Variants in DOCK5 observed in about 807,000 individuals in gnomAD.
The protein encoded by DOCK5 is dedicator of cytokinesis protein 5.
Under a neutral mutation model 251.8 loss-of-function variants are expected in DOCK5, and 142 were observed. The observed-to-expected ratio is 0.56, with a 90% CI of 0.49 to 0.65. The LOEUF is 0.65. Ranked by LOEUF, DOCK5 falls within the 30% of genes least tolerant of loss-of-function variation. The pLI is 0.00. For synonymous variants in DOCK5, 842 were observed against 835.5 expected, an observed-to-expected ratio of 1.01 and a Z score of -0.13; for missense variants, 2,111 against 2,312.3, an observed-to-expected ratio of 0.91 and a Z score of 1.79.
chr8:25,277,523 C>G (rs1804076072), intron 4 of DOCK5: 1 of 151,928 alleles, frequency 6.6e-6, no homozygotes, highest in South Asian at 2.1e-4. Flanking sequence ...AATGGCAGAA[C>G]CATCATTTCA....
chr8:25,207,382 G>A (rs1435009487), intron 1 of DOCK5, among the ~76,000 whole-genome samples: 1 of 152,044 alleles, frequency 6.6e-6, no homozygotes, highest in Non-Finnish European at 1.5e-5. Flanking sequence ...GCCTTCTATT[G>A]TAAGAAGATG....
At chr8:25,240,994 C>T (rs766683088) in intron 1 of DOCK5, among the ~76,000 whole-genome samples, 2 of 152,158 alleles carry the variant, frequency 1.3e-5, no homozygotes, top group Non-Finnish European at 2.9e-5. Flanking sequence ...CTGCATGTCG[C>T]CTTCTCTCAG....
At chr8:25,278,789 C>A in intron 5 of DOCK5, 124 bp downstream of exon 5, 2 of 853,316 alleles carry the variant, frequency 2.3e-6, no homozygotes, top group South Asian at 1.6e-5. Context: ...CCCTGGATCA[C>A]ACAAAGGCTG....
chr8:25,383,681 G>A (rs1455976596), intron 40 of DOCK5, among the ~76,000 whole-genome samples: 3 of 152,000 alleles, frequency 2.0e-5, no homozygotes, highest in Non-Finnish European at 4.4e-5. Context: ...ATGCTGAAAC[G>A]CTGTCCCTAC....
intron 2 of DOCK5, among the ~76,000 whole-genome samples, chr8:25,267,018 A>G (rs1462145519): frequency 3.3e-5 from 5 of 152,174 alleles, no homozygotes; most frequent in Non-Finnish European, 7.3e-5. Flanking sequence ...TTTGGAAAAG[A>G]TGAATATCTT....
intron 27 of DOCK5, among the ~76,000 whole-genome samples, chr8:25,358,276 G>A (rs376849727): frequency 6.6e-6 from 1 of 152,124 alleles, no homozygotes; most frequent in Non-Finnish European, 1.5e-5. Flanking sequence ...TCACATGGCG[G>A]CAGCAAGAAG....
chr8:25,316,116 CAAAAA>C (rs1563199398), intron 13 of DOCK5, among the ~76,000 whole-genome samples: 1 of 151,218 alleles, frequency 6.6e-6, no homozygotes, highest in African/African-American at 2.4e-5. Context: ...TGCTGGGTAA[CAAAAA>C]AGAAAAAGAG....
At position 25,343,890 on chromosome 8, in the gene DOCK5, C is replaced by T. The variant is rs144987645; in HGVS notation, c.2617+1383C>T. On this transcript the variant is annotated intron_variant, in intron 25 of 51. Transcript: ENST00000276440. Reference sequence around the variant, plus strand: ...GCATGAACTTGGCTCACTGCAACCTCCACCTCCCAGGTTCAAGCAATTCTC... The same window carrying T: ...GCATGAACTTGGCTCACTGCAACCTTCACCTCCCAGGTTCAAGCAATTCTC... Among the ~76,000 whole-genome samples the T allele has an allele frequency of 7.7e-3, 1,168 of 152,326 alleles. 18 individuals carry two copies. The highest frequency in any genetic ancestry group is 0.027 in the African/African-American group (1,116 of 41,578).
intron 27 of DOCK5, among the ~76,000 whole-genome samples, chr8:25,354,149 C>T (rs1167773236): frequency 1.3e-5 from 2 of 150,366 alleles, no homozygotes; most frequent in Admixed American, 6.6e-5. Context: ...CTTCACTAAT[C>T]CCTTTATAAT....
intron 17 of DOCK5, among the ~76,000 whole-genome samples, chr8:25,324,788 T>TC (rs1563202355): frequency 1.8e-5 from 2 of 110,042 alleles, no homozygotes; most frequent in Admixed American, 9.6e-5. Flanking sequence ...ATGCTATCCC[T>TC]CCCCCCTCCC....
At chr8:25,191,280 G>T (rs568133051) in intron 1 of DOCK5, among the ~76,000 whole-genome samples, 2 of 152,072 alleles carry the variant, frequency 1.3e-5, no homozygotes, top group Admixed American at 6.6e-5. Flanking sequence ...TGCAAAGTGC[G>T]ATATGGCCAC....
intron 18 of DOCK5, among the ~76,000 whole-genome samples, chr8:25,330,149 C>G (rs765919635): frequency 3.3e-5 from 5 of 152,114 alleles, no homozygotes; most frequent in Non-Finnish European, 7.4e-5. Flanking sequence ...GTGATACCTT[C>G]GACTAGCCTG....
rs1189691708 is a variant in DOCK5, at chr8:25,412,498, C to T, written c.*1200C>T. On this transcript the variant is annotated 3_prime_UTR_variant, in exon 52 of 52. Coordinates refer to ENST00000276440, the MANE Select transcript of DOCK5 (RefSeq NM_024940.8). ...TTGTGCTACAGATTATTACTAATAA[C>T]CCAGCTTGCTAAATTAGGCTATACC... is the stretch of plus-strand genomic sequence containing the variant. 1 of 152,144 alleles carries T rather than the reference C, an allele frequency of 6.6e-6. No homozygotes were observed. The highest frequency in any genetic ancestry group is 2.4e-5 in the African/African-American group (1 of 41,432). The allele number at this position is 152,144 out of a possible 1,614,324, so 9.4% of individuals were successfully genotyped here.
intron 1 of DOCK5, among the ~76,000 whole-genome samples, chr8:25,194,063 A>G (rs184811673): frequency 7.9e-4 from 120 of 151,846 alleles, no homozygotes; most frequent in African/African-American, 2.4e-3. Flanking sequence ...AGGCGGGTGT[A>G]TCACCTGAGG....
chr8:25,272,632 G>A lies in DOCK5; in HGVS notation c.169-2754G>A, dbSNP rs765317941. ...ATCCTTGTAACTAAACAGTTTATCC[G>A]TGCCCAGCGCCTCCGCAACCCCACT... is the stretch of plus-strand genomic sequence containing the variant. On this transcript the variant is annotated intron_variant, in intron 3 of 51. Transcript: ENST00000276440. 1.4e-4 allele frequency among the ~76,000 whole-genome samples: 22 copies of A among 152,190 alleles called. 1 individual carries two copies. Among genetic ancestry groups the A allele is most frequent in the Admixed American group, 7.2e-4 (11 of 15,290 alleles).
At chr8:25,321,450 A>T (rs2117200973) in intron 16 of DOCK5, among the ~76,000 whole-genome samples, 1 of 152,190 alleles carries the variant, frequency 6.6e-6, no homozygotes, top group Non-Finnish European at 1.5e-5. Flanking sequence ...TGAAATAATT[A>T]TACAACTCAC....
intron 3 of DOCK5, chr8:25,270,890 C>T (rs762593679): frequency 2.8e-5 from 19 of 680,180 alleles, no homozygotes; most frequent in African/African-American, 8.8e-5. Context: ...CATTTCCTCC[C>T]GTGTACTTTA....
At chr8:25,360,854 G>T (rs1489615800) in intron 28 of DOCK5, among the ~76,000 whole-genome samples, 1 of 152,068 alleles carries the variant, frequency 6.6e-6, no homozygotes, top group Non-Finnish European at 1.5e-5. Context: ...TGACAATTTG[G>T]CTCCATTGTT....
At chr8:25,281,984 G>A (rs1231601898) in intron 5 of DOCK5, among the ~76,000 whole-genome samples, 1 of 151,556 alleles carries the variant, frequency 6.6e-6, no homozygotes, top group Non-Finnish European at 1.5e-5. Flanking sequence ...TGGTATTTGT[G>A]AATAATTTAA....
Sources: gnomAD v4.1 joint callset for allele counts (sites outside exome capture counted in the v4.1 genomes callset) on GRCh38, gnomAD v4.1.1 for gene constraint, MANE v1.5 for transcripts, NCBI Gene and HGNC (gene_info 2026-07-23, HGNC 2026-07-21) for gene names.